The following WWP2 variants were observed in gnomAD, a reference collection of about 807,000 sequenced individuals.
WWP2 encodes the protein NEDD4-like E3 ubiquitin-protein ligase WWP2.
A neutral mutation model predicts 121.0 loss-of-function variants in WWP2; 57 were observed. That is an observed-to-expected ratio of 0.47 (90% CI 0.38 to 0.59). The LOEUF (loss-of-function observed/expected upper bound fraction) is 0.59. Among genes scored for constraint, WWP2 ranks in the 20% least tolerant of loss-of-function variants. The pLI is 0.00. For synonymous variants in WWP2, 449 were observed against 441.3 expected, an observed-to-expected ratio of 1.02 and a Z score of -0.22; for missense variants, 962 against 1,158.9, an observed-to-expected ratio of 0.83 and a Z score of 2.47.
At chr16:69,841,012 G>C (rs1468355823) in intron 5 of WWP2, among the ~76,000 whole-genome samples, 1 of 152,194 alleles carries the variant, frequency 6.6e-6, no homozygotes. Context: ...CCCTTAACTG[G>C]ACTGATCGGT....
At chr16:69,872,195 T>C (rs1334850558) in intron 7 of WWP2, among the ~76,000 whole-genome samples, 3 of 152,154 alleles carry the variant, frequency 2.0e-5, no homozygotes, top group African/African-American at 2.4e-5. Flanking sequence ...GTCTTGTCTT[T>C]CTATAAAGAC....
At chr16:69,859,075 G>T (rs1439104684) in intron 6 of WWP2, among the ~76,000 whole-genome samples, 3 of 152,134 alleles carry the variant, frequency 2.0e-5, no homozygotes, top group African/African-American at 7.2e-5. Flanking sequence ...ATTTTCTATT[G>T]CTCTGTAACA....
chr16:69,770,978 A>AC (rs986732308), intron 1 of WWP2, among the ~76,000 whole-genome samples: 2 of 151,978 alleles, frequency 1.3e-5, no homozygotes, highest in African/African-American at 4.8e-5. Context: ...ATTAAAAAAA[A>AC]AAAAAAAAGG....
rs144173843 is a variant in WWP2 at position 69,856,786 on chromosome 16, T to TA, written c.575+14676dup. Among the ~76,000 whole-genome samples, 1,359 of 148,252 alleles carry TA rather than the reference T, an allele frequency of 9.2e-3. 20 individuals carry two copies. The highest frequency in any genetic ancestry group is 0.03 in the African/African-American group (1,224 of 40,390). ...GAGACTCTATCTCAAAAATAAAAAA[T>TA]AAAAAAAAAATACAACAACAACAAC... is the stretch of plus-strand genomic sequence containing the variant. On this transcript the variant is annotated intron_variant, in intron 6 of 23. Transcript: ENST00000359154.
intron 1 of WWP2, among the ~76,000 whole-genome samples, chr16:69,770,458 G>C (rs1312023938): frequency 6.6e-6 from 1 of 152,168 alleles, no homozygotes; most frequent in East Asian, 1.9e-4. Flanking sequence ...CACCCTCAGA[G>C]AGGGCTTGGA....
intron 8 of WWP2, among the ~76,000 whole-genome samples, chr16:69,902,170 A>C (rs1192010533): frequency 6.6e-6 from 1 of 152,176 alleles, no homozygotes; most frequent in Non-Finnish European, 1.5e-5. Context: ...GAAACCTTTG[A>C]CAAGAAAACA....
chr16:69,805,538 T>G (rs2056257585), intron 4 of WWP2, among the ~76,000 whole-genome samples: 1 of 152,096 alleles, frequency 6.6e-6, no homozygotes, highest in Non-Finnish European at 1.5e-5. Context: ...TTTTATTTTA[T>G]TTTTTGGCAC....
chr16:69,806,077 T>TGGGTGTACTACCCAA (rs199942053), intron 4 of WWP2, among the ~76,000 whole-genome samples: 1,722 of 152,174 alleles, frequency 0.011, 24 homozygotes, highest in African/African-American at 0.036. Flanking sequence ...GGTGTACGCC[T>TGGGTGTACTACCCAA]GTAGTCCCAC....
At chr16:69,865,695 TAAAC>T (rs2057508555) in intron 6 of WWP2, among the ~76,000 whole-genome samples, 1 of 152,248 alleles carries the variant, frequency 6.6e-6, no homozygotes, top group African/African-American at 2.4e-5. Flanking sequence ...GCATGTGTCA[TAAAC>T]TAACACGTTT....
At chr16:69,764,341 C>G (rs1471838927) in intron 1 of WWP2, among the ~76,000 whole-genome samples, 1 of 152,198 alleles carries the variant, frequency 6.6e-6, no homozygotes, top group Admixed American at 6.5e-5. Flanking sequence ...GCTGGGACTA[C>G]AGGTGGGTGC....
intron 7 of WWP2, among the ~76,000 whole-genome samples, chr16:69,882,387 A>G (rs74029733): frequency 0.039 from 5,980 of 152,070 alleles, 327 homozygotes; most frequent in African/African-American, 0.13. Flanking sequence ...CACCTATTCA[A>G]TCAAATATCT....
chr16:69,832,888 T>C (rs2056817218), intron 4 of WWP2, among the ~76,000 whole-genome samples: 1 of 151,974 alleles, frequency 6.6e-6, no homozygotes, highest in African/African-American at 2.4e-5. Context: ...GGGATCTTGC[T>C]CTCTTGCCTA....
intron 4 of WWP2, among the ~76,000 whole-genome samples, chr16:69,831,847 T>C (rs943782886): frequency 4.0e-5 from 6 of 149,548 alleles, no homozygotes; most frequent in Non-Finnish European, 5.9e-5. Flanking sequence ...TTTTTTTTTT[T>C]TGAGACAGTG....
At chr16:69,816,622 A>T (rs2056496297) in intron 4 of WWP2, among the ~76,000 whole-genome samples, 1 of 152,014 alleles carries the variant, frequency 6.6e-6, no homozygotes, top group Non-Finnish European at 1.5e-5. Context: ...GCCTATTACT[A>T]AAAAGGACAA....
intron 9 of WWP2, among the ~76,000 whole-genome samples, chr16:69,913,932 C>T (rs1005311960): frequency 1.3e-5 from 2 of 151,328 alleles, no homozygotes; most frequent in Non-Finnish European, 3.0e-5. Flanking sequence ...ATTAGCCAGG[C>T]GTGGTGGTGC....
chr16:69,828,973 G>A (rs1462591910), intron 4 of WWP2, among the ~76,000 whole-genome samples: 1 of 152,088 alleles, frequency 6.6e-6, no homozygotes, highest in African/African-American at 2.4e-5. Flanking sequence ...CCTGTCAGAA[G>A]CACCTCAACA....
At chr16:69,764,733 G>A (rs1597627884) in intron 1 of WWP2, among the ~76,000 whole-genome samples, 2 of 152,318 alleles carry the variant, frequency 1.3e-5, no homozygotes, top group Middle Eastern at 6.8e-3. Flanking sequence ...CTAGCCACAT[G>A]GGGCTGCTGA....
chr16:69,937,723 C>T lies in WWP2; in HGVS notation c.2343+71C>T. The T allele has an allele frequency of 6.8e-7, 1 of 1,478,272 alleles. No individual in the cohort carries two copies. Among genetic ancestry groups the T allele is most frequent in the South Asian group, 1.2e-5 (1 of 86,234 alleles). The allele number at this position is 1,478,272 out of a possible 1,614,324, so 91.6% of individuals were successfully genotyped here. ...CCAAAGGAAACGGGTCCTGAGGAGG[C>T]CTCACGCGCAAGGACCTTCAGCTTT... is the stretch of plus-strand genomic sequence containing the variant. On this transcript the variant is annotated intron_variant, in intron 21 of 23. Coordinates refer to ENST00000359154, the MANE Select transcript of WWP2 (RefSeq NM_001270454.2). This position sits in a 1 kb window ranked among gnomAD's most constrained non-coding sequence, Gnocchi z 6.6.
chr16:69,814,078 G>T (rs2056445724), intron 4 of WWP2, among the ~76,000 whole-genome samples: 1 of 152,144 alleles, frequency 6.6e-6, no homozygotes, highest in Non-Finnish European at 1.5e-5. Flanking sequence ...GGGATTCGGG[G>T]ACACACTTGT....
Sources: gnomAD v4.1 joint callset for allele counts (sites outside exome capture counted in the v4.1 genomes callset) on GRCh38, gnomAD v4.1.1 for gene constraint, Gnocchi (gnomAD v3.1) non-coding constraint, MANE v1.5 for transcripts, NCBI Gene and HGNC (gene_info 2026-07-23, HGNC 2026-07-21) for gene names.